Variants in PRICKLE1 observed in about 807,000 individuals in gnomAD.
PRICKLE1 encodes prickle planar cell polarity protein 1, also known as prickle-like protein 1.
A neutral mutation model predicts 70.2 loss-of-function variants in PRICKLE1; 14 were observed. The ratio of observed to expected loss-of-function variants is 0.20; its 90% confidence interval spans 0.13 to 0.31. PRICKLE1 has a LOEUF of 0.31. Ranked by LOEUF, PRICKLE1 falls within the 10% of genes least tolerant of loss-of-function variation. PRICKLE1 has a pLI of 1.00. For missense variants in PRICKLE1, 821 were observed against 1,026.2 expected (o/e 0.80, Z 2.73); for synonymous variants, 357 against 379.9 (o/e 0.94, Z 0.70).
Position 42,589,593 on chromosome 12 carries a change from C to G in PRICKLE1, c.-177G>C, listed in dbSNP as rs945969098. The G allele has an allele frequency of 6.5e-6, 1 of 153,186 alleles. No homozygotes were observed. The highest frequency in any genetic ancestry group is 2.4e-5 in the African/African-American group (1 of 41,406). 9.5% of individuals were successfully genotyped at this position (153,186 alleles called of 1,614,324 possible). On this transcript the variant is annotated 5_prime_UTR_variant, in exon 1 of 8. Transcript: ENST00000345127. This position sits in a 1 kb window ranked among gnomAD's most constrained non-coding sequence, Gnocchi z 5.0. ...GGGGTGGGCGAGGGTGAGCAGCGCA[C>G]GAACCATCCAGAGCCCAGAAAGTCT...
At chr12:42,576,453 C>T (rs1479201517) in intron 1 of PRICKLE1, among the ~76,000 whole-genome samples, 2 of 152,178 alleles carry the variant, frequency 1.3e-5, no homozygotes, top group Non-Finnish European at 2.9e-5. Context: ...TCTGTTCCAC[C>T]CTCTAACAGT....
At position 42,465,022 on chromosome 12, in the gene PRICKLE1, T is replaced by C. The variant is rs1328763941; in HGVS notation, c.1012A>G (p.Lys338Glu). 1.9e-6 allele frequency: 3 copies of C among 1,601,006 alleles called. No homozygotes were observed. In the African/African-American group the frequency reaches 4.0e-5, roughly 22 times the overall value. The change falls in exon 7 of 8, where the codon AAG becomes GAG. Residue 338 changes from lysine (K) to glutamate (E), a missense_variant. By Grantham distance (56) the Lys-to-Glu change is moderately conservative. Transcript: ENST00000345127. ...RDSRRSVRMG[K>E]SSRSADQCRQ... The stretch of plus-strand genomic sequence containing the variant: ...CACTGATCTGCTGACCGGCTGCTCT[T>C]GCCCATTCGGACACTTCTTCGGGAG...
chr12:42,462,049 C>T (rs987328956), intron 7 of PRICKLE1, among the ~76,000 whole-genome samples: 4 of 152,136 alleles, frequency 2.6e-5, no homozygotes, highest in East Asian at 1.9e-4. Flanking sequence ...CTGCCCGCCT[C>T]GGTCTCCCAA....
At chr12:42,532,216 C>T (rs1299765612) in intron 1 of PRICKLE1, among the ~76,000 whole-genome samples, 1 of 152,184 alleles carries the variant, frequency 6.6e-6, no homozygotes, top group African/African-American at 2.4e-5. Flanking sequence ...AGCAATTCTA[C>T]TTCTAACAGT....
At chr12:42,537,735 G>A (rs890153703) in intron 1 of PRICKLE1, among the ~76,000 whole-genome samples, 1 of 152,150 alleles carries the variant, frequency 6.6e-6, no homozygotes, top group Non-Finnish European at 1.5e-5. Flanking sequence ...CCTCCTTTGT[G>A]GAACCACTAC....
At chr12:42,475,551 G>C (rs1938489737) in intron 1 of PRICKLE1, among the ~76,000 whole-genome samples, 2 of 152,032 alleles carry the variant, frequency 1.3e-5, no homozygotes, top group South Asian at 4.1e-4. Context: ...TTTCTTTGGT[G>C]AATCAGCCAA....
At chr12:42,507,671 T>C (rs561096520) in intron 1 of PRICKLE1, among the ~76,000 whole-genome samples, 8 of 152,334 alleles carry the variant, frequency 5.3e-5, no homozygotes, top group Non-Finnish European at 8.8e-5. Flanking sequence ...CATCATACAG[T>C]CAATGAAGGT....
At chr12:42,572,825 C>T (rs886965711) in intron 1 of PRICKLE1, among the ~76,000 whole-genome samples, 1 of 152,026 alleles carries the variant, frequency 6.6e-6, no homozygotes, top group Non-Finnish European at 1.5e-5. Flanking sequence ...AAGACTCTGT[C>T]TCAAAGGAAA....
At chr12:42,492,200 C>G (rs1003835518) in intron 1 of PRICKLE1, among the ~76,000 whole-genome samples, 13 of 152,274 alleles carry the variant, frequency 8.5e-5, no homozygotes, top group Admixed American at 7.8e-4. Flanking sequence ...CGCCCAGGCT[C>G]AAGTGATCCT....
In PRICKLE1 at chr12:42,466,328, T is replaced by G. The variant is rs1178731670; in HGVS notation, c.641A>C (p.Lys214Thr). Residue 214 changes from lysine to threonine, a missense_variant, in exon 6 of 8, where the codon AAA (lysine) becomes ACA (threonine). Coordinates refer to ENST00000345127, the MANE Select transcript of PRICKLE1 (RefSeq NM_153026.3). Reference protein sequence around the residue: ...TEAEGRHWHMKHFCCLECETV... With the variant: ...TEAEGRHWHMTHFCCLECETV... Reference sequence around the variant, plus strand: ...TTCACACTCAAGGCAGCAGAAGTGTTTCATGTGCCAATGGCGACCCTCAGC... The same window carrying G: ...TTCACACTCAAGGCAGCAGAAGTGTGTCATGTGCCAATGGCGACCCTCAGC... 3 of 1,614,078 alleles carry G rather than the reference T, an allele frequency of 1.9e-6. No individual in the cohort carries two copies. The African/African-American group carries it at 4.0e-5, about 22-fold the overall frequency.
At chr12:42,546,673 G>C (rs746036587) in intron 1 of PRICKLE1, among the ~76,000 whole-genome samples, 1 of 152,122 alleles carries the variant, frequency 6.6e-6, no homozygotes, top group East Asian at 1.9e-4. Flanking sequence ...AGGATTGCTC[G>C]AACCTCAGAG....
At chr12:42,513,015 G>T (rs1939542455) in intron 1 of PRICKLE1, among the ~76,000 whole-genome samples, 1 of 151,788 alleles carries the variant, frequency 6.6e-6, no homozygotes, top group Non-Finnish European at 1.5e-5. Flanking sequence ...GCCTAGGCTG[G>T]AGTGCAATGG....
intron 1 of PRICKLE1, chr12:42,524,642 C>T: frequency 6.6e-6 from 1 of 152,072 alleles, no homozygotes; most frequent in East Asian, 1.9e-4. Context: ...GAACTCCTGA[C>T]CTCATGAACC....
intron 1 of PRICKLE1, among the ~76,000 whole-genome samples, chr12:42,583,813 T>C (rs1244094916): frequency 6.6e-6 from 1 of 152,218 alleles, no homozygotes; most frequent in Non-Finnish European, 1.5e-5. Flanking sequence ...TGAAAGAGCC[T>C]ATGTGAAAAC....
chr12:42,486,297 C>G (rs986891051), intron 1 of PRICKLE1, among the ~76,000 whole-genome samples: 8 of 152,178 alleles, frequency 5.3e-5, no homozygotes, highest in Non-Finnish European at 2.9e-5. Context: ...TGTCTTTCTC[C>G]TTTCCTAGAA....
rs1382270364 is a variant in PRICKLE1 at position 42,496,698 on chromosome 12, ATGTT to A, written c.-48-24138_-48-24135del. Among the ~76,000 whole-genome samples, 108 of 152,260 alleles carry A rather than the reference ATGTT, an allele frequency of 7.1e-4. 1 individual carries two copies. The highest frequency in any genetic ancestry group is 2.5e-3 in the African/African-American group (105 of 41,518). On this transcript the variant is annotated intron_variant, in intron 1 of 7. Coordinates refer to ENST00000345127, the MANE Select transcript of PRICKLE1 (RefSeq NM_153026.3). ...ACTCGCTACTTCACCTTGCACTTTC[ATGTT>A]AGAGAGATGGCTTCTTTCCTGAAAC...
At chr12:42,465,736 T>C (rs1938072482) in intron 6 of PRICKLE1, 1 of 282,754 alleles carries the variant, frequency 3.5e-6, no homozygotes. Flanking sequence ...TGATGTGCCT[T>C]ACAGAGAAAA....
At chr12:42,506,259 C>CTTTTT (rs5797804) in intron 1 of PRICKLE1, among the ~76,000 whole-genome samples, 37 of 121,104 alleles carry the variant, frequency 3.1e-4, no homozygotes, top group East Asian at 6.5e-4. Flanking sequence ...TTCTTTCTTT[C>CTTTTT]TTTTTTTTTT....
At chr12:42,477,399 A>ATG (rs2140139719) in intron 1 of PRICKLE1, among the ~76,000 whole-genome samples, 1 of 148,402 alleles carries the variant, frequency 6.7e-6, no homozygotes, top group East Asian at 2.0e-4. Context: ...AAATATATAT[A>ATG]TATACACATA....
Sources: allele counts gnomAD v4.1 joint callset (sites outside exome capture counted in the v4.1 genomes callset), GRCh38; gene constraint gnomAD v4.1.1; non-coding constraint Gnocchi (gnomAD v3.1); transcripts MANE v1.5; gene names NCBI Gene and HGNC (gene_info 2026-07-23, HGNC 2026-07-21).